TBC1D5: variants seen among roughly 807,000 people sequenced by gnomAD.
TBC1D5 encodes TBC1 domain family member 5, also known as TBC1 domain family, member 5.
In TBC1D5, 75 loss-of-function variants were observed where a neutral mutation model predicts 100.3. That is an observed-to-expected ratio of 0.75 (90% CI 0.62 to 0.91). TBC1D5 has a LOEUF of 0.91. TBC1D5 is among the 40% of genes least tolerant of loss of function. TBC1D5 has a pLI of 0.00. For missense variants in TBC1D5, 910 were observed against 942.4 expected (o/e 0.97, Z 0.45); for synonymous variants, 323 against 325.6 (o/e 0.99, Z 0.09).
chr3:17,290,195 T>A (rs2081584789), intron 15 of TBC1D5, among the ~76,000 whole-genome samples: 1 of 152,204 alleles, frequency 6.6e-6, no homozygotes, highest in Non-Finnish European at 1.5e-5. Context: ...GATACACTAT[T>A]ATTTTTTTCT....
At chr3:17,182,715 C>T (rs2068583872) in intron 19 of TBC1D5, among the ~76,000 whole-genome samples, 6 of 152,000 alleles carry the variant, frequency 3.9e-5, no homozygotes, top group Admixed American at 3.9e-4. Context: ...AACAAGTAAC[C>T]ATAATTAGTC....
At chr3:17,559,659 G>A (rs940866835) in intron 2 of TBC1D5, among the ~76,000 whole-genome samples, 2 of 150,814 alleles carry the variant, frequency 1.3e-5, no homozygotes, top group Admixed American at 6.6e-5. Context: ...GCGCGATCTC[G>A]GCTCACTGCA....
At chr3:17,734,204 A>T (rs1414445791) in intron 1 of TBC1D5, among the ~76,000 whole-genome samples, 1 of 152,250 alleles carries the variant, frequency 6.6e-6, no homozygotes, top group Non-Finnish European at 1.5e-5. Flanking sequence ...ACATTCATAC[A>T]ATGTATTTTC....
intron 13 of TBC1D5, among the ~76,000 whole-genome samples, chr3:17,350,981 A>G (rs1296674500): frequency 6.6e-6 from 1 of 152,172 alleles, no homozygotes; most frequent in African/African-American, 2.4e-5. Context: ...GTTATACAAG[A>G]CATGCATTCT....
At chr3:17,274,353 T>C (rs1254127999) in intron 15 of TBC1D5, among the ~76,000 whole-genome samples, 1 of 152,202 alleles carries the variant, frequency 6.6e-6, no homozygotes, top group Non-Finnish European at 1.5e-5. Flanking sequence ...TCCTATGTGG[T>C]TGGTTAGTCT....
intron 1 of TBC1D5, among the ~76,000 whole-genome samples, chr3:17,710,847 G>A (rs766174064): frequency 3.3e-5 from 5 of 151,964 alleles, no homozygotes; most frequent in South Asian, 4.2e-4. Context: ...ACAGGCATGC[G>A]TCACCACGCC....
At chr3:17,503,760 T>C (rs956910784) in intron 3 of TBC1D5, among the ~76,000 whole-genome samples, 2 of 149,860 alleles carry the variant, frequency 1.3e-5, no homozygotes, top group African/African-American at 5.1e-5. Flanking sequence ...ATATAGTCTA[T>C]GCTCCCAAAT....
At position 17,392,633 on chromosome 3, in the gene TBC1D5, T is replaced by C. The variant is rs201986737; in HGVS notation, c.510-8618A>G. Among the ~76,000 whole-genome samples the C allele has an allele frequency of 4.9e-4, 75 of 152,230 alleles. No homozygotes were observed. In the East Asian group the frequency reaches 0.012, roughly 25 times the overall value. ...TGCGGTGTTTGGTTTTCTGTTCCTG[T>C]GTTAGTCTGCTGAGAATGATGGTTT... is the stretch of plus-strand genomic sequence containing the variant. On this transcript the variant is annotated intron_variant, in intron 8 of 21. Coordinates refer to ENST00000253692, the Ensembl canonical transcript of TBC1D5.
At chr3:17,185,511 T>C (rs2068931997) in intron 18 of TBC1D5, among the ~76,000 whole-genome samples, 1 of 152,208 alleles carries the variant, frequency 6.6e-6, no homozygotes. Context: ...TACAACCTTG[T>C]ATTTAAAAAG....
chr3:17,433,940 T>C (rs1359310431), intron 3 of TBC1D5, among the ~76,000 whole-genome samples: 1 of 152,062 alleles, frequency 6.6e-6, no homozygotes, highest in Non-Finnish European at 1.5e-5. Flanking sequence ...GAGGCAGTAA[T>C]TAAACTGTAA....
At chr3:17,262,611 A>G (rs2078424934) in intron 15 of TBC1D5, among the ~76,000 whole-genome samples, 2 of 150,528 alleles carry the variant, frequency 1.3e-5, no homozygotes, top group Admixed American at 6.6e-5. Flanking sequence ...CCTCCCGAGT[A>G]GCTGGGACTA....
At chr3:17,528,168 G>A (rs557244074) in intron 2 of TBC1D5, among the ~76,000 whole-genome samples, 10 of 152,096 alleles carry the variant, frequency 6.6e-5, no homozygotes, top group South Asian at 4.2e-4. Flanking sequence ...CAAGCGATCC[G>A]CCCACCTCAG....
chr3:17,580,059 G>C (rs967369108), intron 2 of TBC1D5, among the ~76,000 whole-genome samples: 1 of 152,096 alleles, frequency 6.6e-6, no homozygotes, highest in Non-Finnish European at 1.5e-5. Context: ...CCTTGTTCAA[G>C]CAATCCAGGC....
At chr3:17,622,283 C>A (rs1330066912) in intron 2 of TBC1D5, among the ~76,000 whole-genome samples, 1 of 152,140 alleles carries the variant, frequency 6.6e-6, no homozygotes, top group Non-Finnish European at 1.5e-5. Context: ...TGTGTGGCCC[C>A]ATTCCTAACA....
intron 14 of TBC1D5, among the ~76,000 whole-genome samples, chr3:17,296,063 G>A (rs908067374): frequency 3.9e-5 from 6 of 152,156 alleles, no homozygotes; most frequent in African/African-American, 1.4e-4. Context: ...GCAAGTTCAT[G>A]ACAGGGGTAT....
intron 3 of TBC1D5, among the ~76,000 whole-genome samples, chr3:17,443,688 T>C (rs1206111026): frequency 6.6e-6 from 1 of 152,020 alleles, no homozygotes; most frequent in African/African-American, 2.4e-5. Flanking sequence ...AACAGAAAAA[T>C]AGAAGTTCAC....
chr3:17,227,715 G>C (rs1348427659), intron 17 of TBC1D5, among the ~76,000 whole-genome samples: 1 of 151,956 alleles, frequency 6.6e-6, no homozygotes, highest in African/African-American at 2.4e-5. Context: ...AGGGTGGGAG[G>C]AGGGAGAGAA....
chr3:17,367,080 C>T (rs1008626443), intron 13 of TBC1D5, among the ~76,000 whole-genome samples: 7 of 152,092 alleles, frequency 4.6e-5, no homozygotes. Context: ...GCATATCCCA[C>T]AGATGCCTAT....
chr3:17,715,925 G>A (rs528619512), intron 1 of TBC1D5, among the ~76,000 whole-genome samples: 1 of 152,190 alleles, frequency 6.6e-6, no homozygotes, highest in Admixed American at 6.5e-5. Context: ...GGTGGCACAT[G>A]CCTGTAGTCC....
Sources: gnomAD v4.1 joint callset for allele counts (sites outside exome capture counted in the v4.1 genomes callset) on GRCh38, gnomAD v4.1.1 for gene constraint, MANE v1.5 for transcripts, NCBI Gene and HGNC (gene_info 2026-07-23, HGNC 2026-07-21) for gene names.